GFPT2: variants seen among roughly 807,000 people sequenced by gnomAD.
The protein encoded by GFPT2 is glutamine--fructose-6-phosphate transaminase 2, also known as glutamine--fructose-6-phosphate aminotransferase [isomerizing] 2.
In GFPT2, 62 loss-of-function variants were observed where a neutral mutation model predicts 85.6. The ratio of observed to expected loss-of-function variants is 0.72; its 90% CI spans 0.59 to 0.90. The LOEUF is 0.90. Among genes scored for constraint, GFPT2 ranks in the 40% least tolerant of loss-of-function variants. The pLI is 0.00. For synonymous variants in GFPT2, 368 were observed against 344.5 expected (o/e 1.07, Z -0.75); for missense variants, 788 against 893.4 (o/e 0.88, Z 1.50).
chr5:180,336,536 G>A lies in GFPT2; in HGVS notation c.157C>T (p.His53Tyr), dbSNP rs764235378. ...DGNNHEVKER[H>Y]IQLVKKRGKV... Reference sequence around the variant, plus strand: ...CCCCTTTTCTTGACCAGCTGAATGTGTCTTTCTTTGACTTCGTGATTATTC... The same window carrying A: ...CCCCTTTTCTTGACCAGCTGAATGTATCTTTCTTTGACTTCGTGATTATTC... The change falls in exon 3 of 19, where the codon CAC (histidine) becomes TAC (tyrosine). Residue 53 changes from histidine to tyrosine, a missense_variant. Coordinates refer to ENST00000253778, the MANE Select transcript of GFPT2 (RefSeq NM_005110.4). 1 of 1,612,014 alleles carries A rather than the reference G, an allele frequency of 6.2e-7. No homozygotes were observed. Among genetic ancestry groups the A allele is most frequent in the Non-Finnish European group, 8.5e-7 (1 of 1,178,054 alleles).
In GFPT2 at chr5:180,330,743, TC is replaced by T. The variant is rs1349340009; in HGVS notation, c.490del (p.Asp164ThrfsTer68). The T allele has an allele frequency of 3.7e-6, 6 of 1,613,128 alleles. No individual in the cohort carries two copies. Among genetic ancestry groups the T allele is most frequent in the Non-Finnish European group, 4.2e-6 (5 of 1,179,026 alleles). Reference sequence around the variant, plus strand: ...CTCGACCAACGTTGAAAACGTAATGTCCTCAGTTTCTCTGTTGTCGAACACA... The same window carrying T: ...CTCGACCAACGTTGAAAACGTAATGTCTCAGTTTCTCTGTTGTCGAACACA... ...KYVFDNRETE[D>X]ITFSTLVERV... On this transcript the variant is annotated frameshift_variant, in exon 6 of 19. Coordinates refer to ENST00000253778, the MANE Select transcript of GFPT2 (RefSeq NM_005110.4). LOFTEE classifies it high-confidence loss of function. This position sits in a 1 kb window ranked among gnomAD's most constrained non-coding sequence, Gnocchi z 4.4.
chr5:180,309,790 T>C (rs1377795086), intron 15 of GFPT2, among the ~76,000 whole-genome samples: 11 of 151,890 alleles, frequency 7.2e-5, no homozygotes, highest in Non-Finnish European at 1.5e-4. Context: ...AGACTAATAA[T>C]TTTTACCACC....
rs1465583387 is a variant in GFPT2 at position 180,328,998 on chromosome 5, A to G, written c.535-660T>C. On this transcript the variant is annotated intron_variant, in intron 6 of 18. Transcript: ENST00000253778. The surrounding 1 kb of genome is among the most constrained non-coding windows in gnomAD (Gnocchi z 5.4). ...GGGCCTCAGCTGGTTGGTTTGTGCA[A>G]AGCCAGAACTAGAATCCAGCTCTCC... 6.6e-6 allele frequency among the ~76,000 whole-genome samples: 1 copy of G among 152,212 alleles called. No homozygotes were observed. The highest frequency in any genetic ancestry group is 2.4e-5 in the African/African-American group (1 of 41,450).
chr5:180,352,570 C>T (rs919724370), intron 1 of GFPT2: 1 of 448,918 alleles, frequency 2.2e-6, no homozygotes, highest in African/African-American at 2.1e-5. Flanking sequence ...CTCGTGGCTT[C>T]GGGCCGAGGT....
intron 15 of GFPT2, among the ~76,000 whole-genome samples, chr5:180,311,637 C>T (rs1763882427): frequency 6.6e-6 from 1 of 152,092 alleles, no homozygotes; most frequent in African/African-American, 2.4e-5. Context: ...TGTCCAGTGG[C>T]AGCTCTGGCA....
chr5:180,345,831 G>T (rs75773304), intron 1 of GFPT2, among the ~76,000 whole-genome samples: 1 of 152,172 alleles, frequency 6.6e-6, no homozygotes, highest in African/African-American at 2.4e-5. Flanking sequence ...AAGCAGCTCC[G>T]CTCACTGGGA....
chr5:180,346,399 CCCT>C (rs1764609029), intron 1 of GFPT2, among the ~76,000 whole-genome samples: 1 of 152,174 alleles, frequency 6.6e-6, no homozygotes, highest in African/African-American at 2.4e-5. Context: ...AGGTGCTGCC[CCCT>C]GAGAGCCAAG....
chr5:180,303,091 G>A lies in GFPT2; in HGVS notation c.1843-507C>T, dbSNP rs1224915309. The stretch of plus-strand genomic sequence containing the variant: ...AAAAAATACAAAAAATTAGCCGGGT[G>A]TGGTGGCGGGGGCCTGTAGTCCCAG... On this transcript the variant is annotated intron_variant, in intron 17 of 18. Transcript: ENST00000253778. 6.3e-5 allele frequency among the ~76,000 whole-genome samples: 9 copies of A among 143,964 alleles called. 1 individual carries two copies. The highest frequency in any genetic ancestry group is 2.0e-4 in the African/African-American group (8 of 40,718). 94.4% of individuals were successfully genotyped at this position (143,964 alleles called of 152,430 possible). A position where few individuals can be genotyped will look rare whatever the true frequency, so the allele number is the denominator to read the frequency against.
At position 180,318,126 on chromosome 5, in the gene GFPT2, G is replaced by A. The variant is rs1764049823; in HGVS notation, c.958+667C>T. Among the ~76,000 whole-genome samples, 1 of 152,170 alleles carries A rather than the reference G, an allele frequency of 6.6e-6. No homozygotes were observed. On this transcript the variant is annotated intron_variant, in intron 10 of 18. Transcript: ENST00000253778. This position sits in a 1 kb window ranked among gnomAD's most constrained non-coding sequence, Gnocchi z 4.2. ...ACATTTCAAGGGAGCTGGAGGCAATGAAAAGGAACCAGTCCTATGAGAAGA... is the reference window on the plus strand; with the variant it reads ...ACATTTCAAGGGAGCTGGAGGCAATAAAAAGGAACCAGTCCTATGAGAAGA...
chr5:180,316,263 T>G, intron 13 of GFPT2, 78 bp downstream of exon 13: 1 of 1,475,824 alleles, frequency 6.8e-7, no homozygotes, highest in Non-Finnish European at 9.4e-7. Flanking sequence ...TGCAGAGGAC[T>G]TAACTGAATG....
chr5:180,333,071 G>A (rs1385454011), intron 4 of GFPT2, among the ~76,000 whole-genome samples: 1 of 152,134 alleles, frequency 6.6e-6, no homozygotes, highest in Non-Finnish European at 1.5e-5. Flanking sequence ...GCTGACCACA[G>A]CTCAGCTTTA....
chr5:180,305,657 C>T (rs1763761223), intron 16 of GFPT2, among the ~76,000 whole-genome samples: 1 of 152,218 alleles, frequency 6.6e-6, no homozygotes, highest in African/African-American at 2.4e-5. Context: ...CACCTAAACG[C>T]TTCTTCCTTC....
At chr5:180,305,014 G>C (rs1231890836) in intron 16 of GFPT2, 75 bp from the exon 17 acceptor site, 2 of 1,011,860 alleles carry the variant, frequency 2.0e-6, no homozygotes, top group Middle Eastern at 2.2e-4. Flanking sequence ...GGGAAGAAGG[G>C]GAACCAGGGG....
Position 180,321,997 on chromosome 5 carries a change from C to G in GFPT2, c.794+2191G>C, listed in dbSNP as rs1764131739. Among the ~76,000 whole-genome samples, 5 of 151,944 alleles carry G rather than the reference C, an allele frequency of 3.3e-5. No homozygotes were observed. The South Asian group carries it at 1.0e-3, about 32-fold the overall frequency. ...AGAAACCGGGTTTCACCGTGTTGGC[C>G]AGGATGGTCTCGATCTCCTGATCTC... On this transcript the variant is annotated intron_variant, in intron 9 of 18. Transcript: ENST00000253778.
chr5:180,332,971 C>G (rs1764332182), intron 4 of GFPT2, among the ~76,000 whole-genome samples: 1 of 152,150 alleles, frequency 6.6e-6, no homozygotes, highest in Non-Finnish European at 1.5e-5. Context: ...ATGATTTCCT[C>G]TATTTAAAAA....
intron 13 of GFPT2, among the ~76,000 whole-genome samples, chr5:180,314,229 G>A (rs1763959183): frequency 6.6e-6 from 1 of 152,208 alleles, no homozygotes; most frequent in Non-Finnish European, 1.5e-5. Context: ...TCTTGAGGAT[G>A]AGGGCTCAGA....
At chr5:180,320,495 G>T (rs6874433) in intron 9 of GFPT2, among the ~76,000 whole-genome samples, 26,532 of 152,114 alleles carry the variant, frequency 0.17, 2,936 homozygotes, top group Non-Finnish European at 0.25. Flanking sequence ...ACTCTCGGCC[G>T]GGAGCCCTGG....
chr5:180,312,278 CA>C, intron 15 of GFPT2, 151 bp downstream of exon 15: 1 of 627,028 alleles, frequency 1.6e-6, no homozygotes, highest in East Asian at 2.8e-5. Context: ...AGGTCAGAGG[CA>C]GCAAGGCCTC....
In GFPT2 at chr5:180,316,606, C is replaced by T. The variant is rs182602956; in HGVS notation, c.1153-145G>A. On this transcript the variant is annotated intron_variant, in intron 12 of 18. Transcript: ENST00000253778. ...GACTTCGGTCACCCACAGGCCACCT[C>T]GAAGATAAAAGGGCTCCGTGTCATT... 184 of 978,094 alleles carry T rather than the reference C, an allele frequency of 1.9e-4. 4 individuals are homozygous for T. In the East Asian group the frequency reaches 2.7e-3, roughly 15 times the overall value. The allele number at this position is 978,094 out of a possible 1,614,324, so 60.6% of individuals were successfully genotyped here.
Sources: allele counts gnomAD v4.1 joint callset (sites outside exome capture counted in the v4.1 genomes callset), GRCh38; gene constraint gnomAD v4.1.1; non-coding constraint Gnocchi (gnomAD v3.1); transcripts MANE v1.5; gene names NCBI Gene and HGNC (gene_info 2026-07-23, HGNC 2026-07-21).